LRRC7: variants seen among roughly 807,000 people sequenced by gnomAD.
LRRC7 encodes the protein leucine-rich repeat-containing protein 7.
Under a neutral mutation model 175.7 loss-of-function variants are expected in LRRC7, and 23 were observed. The ratio of observed to expected loss-of-function variants is 0.13; its 90% CI spans 0.09 to 0.19. The LOEUF is 0.19. Among genes scored for constraint, LRRC7 ranks in the 10% least tolerant of loss-of-function variants. The pLI is 1.00. For synonymous variants in LRRC7, 685 were observed against 680.9 expected, an observed-to-expected ratio of 1.01 and a Z score of -0.09; for missense variants, 1,354 against 1,904.7, an observed-to-expected ratio of 0.71 and a Z score of 5.38.
chr1:69,905,942 T>A (rs369063670), intron 7 of LRRC7, among the ~76,000 whole-genome samples: 2 of 152,232 alleles, frequency 1.3e-5, no homozygotes, highest in East Asian at 3.8e-4. Flanking sequence ...TTTTTAATGA[T>A]CACCATCCTA....
In LRRC7 at chr1:69,568,259, GAGGGA is replaced by G; in HGVS notation, c.-380_-376del. On this transcript the variant is annotated 5_prime_UTR_variant, in exon 1 of 27. Coordinates refer to ENST00000651989, the MANE Select transcript of LRRC7 (RefSeq NM_001370785.2). ...GTCTGTGGAGCCTTCTGGGGGCGGG[GAGGGA>G]GCTGCGCCTCCGCCACCGCCGCCGC... is the stretch of plus-strand genomic sequence containing the variant. 1 of 208,732 alleles carries G rather than the reference GAGGGA, an allele frequency of 4.8e-6. No homozygotes were observed. The highest frequency in any genetic ancestry group is 9.2e-6 in the Non-Finnish European group (1 of 108,794). The allele number at this position is 208,732 out of a possible 1,614,324, so 12.9% of individuals were successfully genotyped here. A position where few individuals can be genotyped will look rare whatever the true frequency, so the allele number is the denominator to read the frequency against.
intron 7 of LRRC7, among the ~76,000 whole-genome samples, chr1:69,890,854 G>A (rs1051142637): frequency 6.6e-6 from 1 of 152,156 alleles, no homozygotes; most frequent in African/African-American, 2.4e-5. Context: ...ACCAACCTCT[G>A]CTAGCTTCAA....
At chr1:69,992,733 AG>A (rs1654558488) in intron 10 of LRRC7, among the ~76,000 whole-genome samples, 1 of 152,190 alleles carries the variant, frequency 6.6e-6, no homozygotes, top group South Asian at 2.1e-4. Context: ...ATATTGAAAA[AG>A]ATGCACTTAA....
chr1:69,879,671 G>A (rs956922110), intron 7 of LRRC7: 1 of 152,386 alleles, frequency 6.6e-6, no homozygotes, highest in African/African-American at 2.4e-5. Flanking sequence ...AGGAGTTCTA[G>A]GCTGTAGTGT....
chr1:69,977,251 T>C (rs1652911141), intron 8 of LRRC7, among the ~76,000 whole-genome samples: 1 of 152,200 alleles, frequency 6.6e-6, no homozygotes, highest in Admixed American at 6.5e-5. Context: ...GTTTTTGTTT[T>C]TCTTTTTTCG....
intron 2 of LRRC7, among the ~76,000 whole-genome samples, chr1:69,745,320 G>A (rs1358258173): frequency 6.6e-6 from 1 of 151,930 alleles, no homozygotes; most frequent in Non-Finnish European, 1.5e-5. Flanking sequence ...GACAAAGATT[G>A]AAAATAAACC....
chr1:69,611,263 A>G (rs757157015), intron 1 of LRRC7, among the ~76,000 whole-genome samples: 10 of 151,936 alleles, frequency 6.6e-5, no homozygotes, highest in Non-Finnish European at 1.3e-4. Flanking sequence ...CCTAAGTATT[A>G]TAAGTATTTT....
intron 25 of LRRC7, among the ~76,000 whole-genome samples, chr1:70,099,474 C>T (rs1664660459): frequency 6.7e-6 from 1 of 149,614 alleles, no homozygotes; most frequent in Non-Finnish European, 1.5e-5. Context: ...CTGGCCAGGG[C>T]AATTAGGCAG....
At chr1:69,740,699 G>T (rs1668616701) in intron 2 of LRRC7, among the ~76,000 whole-genome samples, 2 of 152,086 alleles carry the variant, frequency 1.3e-5, no homozygotes, top group South Asian at 4.1e-4. Context: ...CTCAGCGATT[G>T]GCACAGGTGT....
intron 7 of LRRC7, among the ~76,000 whole-genome samples, chr1:69,875,512 A>T (rs1293061301): frequency 6.6e-6 from 1 of 152,050 alleles, no homozygotes; most frequent in Non-Finnish European, 1.5e-5. Context: ...AATTGAATAT[A>T]ATATATGATT....
intron 18 of LRRC7, among the ~76,000 whole-genome samples, chr1:70,033,812 T>G (rs1659022690): frequency 1.3e-5 from 2 of 151,626 alleles, no homozygotes; most frequent in African/African-American, 4.9e-5. Flanking sequence ...CATTCTGTAC[T>G]TGTACAGCTA....
At chr1:70,008,204 C>T (rs1221882791) in intron 11 of LRRC7, among the ~76,000 whole-genome samples, 3 of 152,084 alleles carry the variant, frequency 2.0e-5, no homozygotes, top group African/African-American at 4.8e-5. Flanking sequence ...GGGGCTAGGC[C>T]CATCTCGCCT....
chr1:70,068,235 A>G (rs963184116), intron 23 of LRRC7, among the ~76,000 whole-genome samples: 1 of 152,102 alleles, frequency 6.6e-6, no homozygotes, highest in Non-Finnish European at 1.5e-5. Flanking sequence ...TATTAGCTAT[A>G]CATTTTTGTA....
chr1:69,681,754 A>G (rs1660516353), intron 2 of LRRC7, among the ~76,000 whole-genome samples: 1 of 152,098 alleles, frequency 6.6e-6, no homozygotes, highest in Non-Finnish European at 1.5e-5. Flanking sequence ...CACTCACTCC[A>G]TTTACTTGCC....
intron 23 of LRRC7, among the ~76,000 whole-genome samples, chr1:70,062,972 A>G (rs1262587263): frequency 1.3e-5 from 2 of 152,128 alleles, no homozygotes; most frequent in Admixed American, 6.6e-5. Context: ...TTTAATTTAC[A>G]GTCACTTTTG....
intron 1 of LRRC7, among the ~76,000 whole-genome samples, chr1:69,665,981 T>A (rs1237504464): frequency 2.0e-5 from 3 of 152,146 alleles, no homozygotes; most frequent in Non-Finnish European, 4.4e-5. Context: ...GCTTTTGTTA[T>A]GTTGAGGTAT....
chr1:69,981,517 A>T (rs549320105), intron 9 of LRRC7, among the ~76,000 whole-genome samples: 71 of 152,354 alleles, frequency 4.7e-4, no homozygotes, highest in Middle Eastern at 3.4e-3. Context: ...TTTAAAAATC[A>T]TGTACCAATA....
intron 7 of LRRC7, among the ~76,000 whole-genome samples, chr1:69,906,701 C>T (rs150986713): frequency 0.022 from 3,325 of 152,174 alleles, 61 homozygotes; most frequent in Middle Eastern, 0.065. Context: ...CGTGATGCCT[C>T]CAGCTTTGTT....
chr1:69,678,393 A>G lies in LRRC7; in HGVS notation c.15A>G (p.Leu5=), dbSNP rs773884208. The part of the protein sequence containing the change: MMEN[L]IRGRNPPQYQ... ...TTCTCTCTTATAGGATGGAGAACCTAATAAGGGGAAGGAATCCCCCGCAAT... is the reference window on the plus strand; with the variant it reads ...TTCTCTCTTATAGGATGGAGAACCTGATAAGGGGAAGGAATCCCCCGCAAT... The change falls in exon 2 of 27, where the codon CTA becomes CTG. Residue 5 remains leucine (L), a synonymous_variant. Coordinates refer to ENST00000651989, the MANE Select transcript of LRRC7 (RefSeq NM_001370785.2). 6.3e-7 allele frequency: 1 copy of G among 1,595,392 alleles called. No homozygotes were observed. The highest frequency in any genetic ancestry group is 2.3e-5 in the East Asian group (1 of 44,338).
Sources: gnomAD v4.1 joint callset for allele counts (sites outside exome capture counted in the v4.1 genomes callset) on GRCh38, gnomAD v4.1.1 for gene constraint, MANE v1.5 for transcripts, NCBI Gene and HGNC (gene_info 2026-07-23, HGNC 2026-07-21) for gene names.